The following NT5C2 variants were observed in gnomAD, a reference collection of about 807,000 sequenced individuals.
NT5C2 encodes cytosolic purine 5'-nucleotidase.
In NT5C2, 58 loss-of-function variants were observed where a neutral mutation model predicts 76.1. The ratio of observed to expected loss-of-function variants is 0.76; its 90% CI spans 0.62 to 0.95. The LOEUF is 0.95. NT5C2 is among the 40% of genes least tolerant of loss of function. The probability of loss-of-function intolerance (pLI) is 0.00; values close to 1 mark genes in which losing one functional copy is unlikely to be tolerated. For missense variants in NT5C2, 478 were observed against 690.3 expected (o/e 0.69, Z 3.45); for synonymous variants, 229 against 237.4 (o/e 0.96, Z 0.32).
rs1395210441 is a variant in NT5C2, at chr10:103,178,124, C to A, written c.-25+3061G>T. 2.6e-5 allele frequency among the ~76,000 whole-genome samples: 4 copies of A among 152,190 alleles called. No individual in the cohort carries two copies. The East Asian group carries it at 7.7e-4, about 29-fold the overall frequency. On this transcript the variant is annotated intron_variant, in intron 2 of 18. Transcript: ENST00000404739. ...TATCACATTTCATTCTTTCTAATGA[C>A]TGAATAATAATCCACTGTGCAGGCG...
intron 2 of NT5C2, among the ~76,000 whole-genome samples, chr10:103,178,691 A>T (rs1330283073): frequency 6.6e-6 from 1 of 151,712 alleles, no homozygotes; most frequent in East Asian, 2.0e-4. Flanking sequence ...TTAGCTGGGC[A>T]TGGTGGCACG....
chr10:103,118,563 AG>A (rs1415718251), intron 4 of NT5C2, among the ~76,000 whole-genome samples: 1 of 152,072 alleles, frequency 6.6e-6, no homozygotes, highest in Admixed American at 6.6e-5. Context: ...TATGTTGCTC[AG>A]GCTGGTCCTG....
At chr10:103,105,333 T>C (rs1323972433) in intron 6 of NT5C2, 3 of 785,102 alleles carry the variant, frequency 3.8e-6, no homozygotes, top group Admixed American at 4.5e-5. Context: ...TTTAAAATTT[T>C]TTCAAAGCAT....
chr10:103,093,536 C>G (rs80161885), intron 14 of NT5C2, among the ~76,000 whole-genome samples: 1 of 152,290 alleles, frequency 6.6e-6, no homozygotes, highest in East Asian at 1.9e-4. Flanking sequence ...AGCAACAAAA[C>G]TACATCCTCA....
chr10:103,102,731 C>G (rs968793854), intron 6 of NT5C2, among the ~76,000 whole-genome samples: 1 of 151,546 alleles, frequency 6.6e-6, no homozygotes, highest in Non-Finnish European at 1.5e-5. Flanking sequence ...GTGGTTGGTA[C>G]GATGAACAGA....
chr10:103,177,254 A>G (rs1429810712), intron 2 of NT5C2, among the ~76,000 whole-genome samples: 2 of 152,232 alleles, frequency 1.3e-5, no homozygotes, highest in African/African-American at 2.4e-5. Context: ...AAAACATTCC[A>G]TCTAATTAGG....
At chr10:103,164,099 G>A (rs772802056) in intron 3 of NT5C2, among the ~76,000 whole-genome samples, 2 of 152,014 alleles carry the variant, frequency 1.3e-5, no homozygotes, top group African/African-American at 4.8e-5. Context: ...TAAAAAAATA[G>A]CTAGGTGTGG....
chr10:103,143,278 C>A (rs2080865786), intron 3 of NT5C2, among the ~76,000 whole-genome samples: 1 of 152,038 alleles, frequency 6.6e-6, no homozygotes, highest in South Asian at 2.1e-4. Context: ...GGGCTGGGCT[C>A]CCCCATCAGT....
chr10:103,190,568 A>G (rs758884266), intron 1 of NT5C2, among the ~76,000 whole-genome samples: 13 of 152,144 alleles, frequency 8.5e-5, no homozygotes, highest in Non-Finnish European at 1.5e-4. Context: ...AATTTGTTCT[A>G]TTTTTCCCTT....
chr10:103,177,342 T>C (rs1245667952), intron 2 of NT5C2, among the ~76,000 whole-genome samples: 1 of 152,218 alleles, frequency 6.6e-6, no homozygotes, highest in Admixed American at 6.6e-5. Context: ...GTTTCACTTC[T>C]GTTTTTGAAG....
rs1590566706 is a variant in NT5C2 at position 103,089,840 on chromosome 10, G to A, written c.1518C>T (p.Thr506=). The A allele has an allele frequency of 6.2e-7, 1 of 1,614,058 alleles. No individual in the cohort carries two copies. The highest frequency in any genetic ancestry group is 8.5e-7 in the Non-Finnish European group (1 of 1,180,004). ...DINEMESPLA[T]RNRTSVDFKD... is the part of the protein sequence containing the mutation. ...TGAAATCCACTGATGTGCGGTTCCG[G>A]GTGGCAAGAGGAGACTCCATCTCAT... is the stretch of plus-strand genomic sequence containing the variant. Residue 506 remains threonine, a synonymous_variant, in exon 19 of 19, where the codon ACC becomes ACT. Transcript: ENST00000404739.
chr10:103,097,254 T>C, intron 11 of NT5C2, 37 bp downstream of exon 11: 1 of 1,451,116 alleles, frequency 6.9e-7, no homozygotes, highest in Non-Finnish European at 9.6e-7. Context: ...CCAAAATAAT[T>C]CCACTGCATA....
intron 3 of NT5C2, among the ~76,000 whole-genome samples, chr10:103,156,541 G>T (rs879768052): frequency 4.7e-5 from 7 of 150,282 alleles, no homozygotes; most frequent in Non-Finnish European, 8.9e-5. Flanking sequence ...GATCACCTGA[G>T]GTCAGGAGTT....
chr10:103,146,297 T>C (rs1252147197), intron 3 of NT5C2: 2 of 985,332 alleles, frequency 2.0e-6, no homozygotes, highest in South Asian at 4.7e-5. Flanking sequence ...TCTTTGGCAA[T>C]GGTGAACTTT....
intron 4 of NT5C2, among the ~76,000 whole-genome samples, chr10:103,136,810 G>C (rs1268805833): frequency 6.6e-6 from 1 of 152,010 alleles, no homozygotes; most frequent in African/African-American, 2.4e-5. Flanking sequence ...TTTTTTAGTA[G>C]AGATGGGGTT....
intron 1 of NT5C2, among the ~76,000 whole-genome samples, chr10:103,184,077 C>G (rs2091692065): frequency 6.6e-6 from 1 of 151,952 alleles, no homozygotes; most frequent in African/African-American, 2.4e-5. Flanking sequence ...GTCAGCCTCC[C>G]AAGTAGCTGG....
chr10:103,150,717 T>C (rs2082252427), intron 3 of NT5C2, among the ~76,000 whole-genome samples: 1 of 152,206 alleles, frequency 6.6e-6, no homozygotes, highest in Admixed American at 6.5e-5. Context: ...TAGTTTTAAT[T>C]TGTATTTCCC....
At chr10:103,124,312 A>G (rs2135793909) in intron 4 of NT5C2, among the ~76,000 whole-genome samples, 1 of 152,148 alleles carries the variant, frequency 6.6e-6, no homozygotes, top group East Asian at 1.9e-4. Context: ...TTGCCAAAAT[A>G]CCCTGTCATT....
At chr10:103,105,010 A>G (rs1041495523) in intron 6 of NT5C2, among the ~76,000 whole-genome samples, 1 of 152,224 alleles carries the variant, frequency 6.6e-6, no homozygotes, top group African/African-American at 2.4e-5. Context: ...CTATAGCTAC[A>G]GAAGTTGTCA....
Sources: allele counts gnomAD v4.1 joint callset (sites outside exome capture counted in the v4.1 genomes callset), GRCh38; gene constraint gnomAD v4.1.1; transcripts MANE v1.5; gene names NCBI Gene and HGNC (gene_info 2026-07-23, HGNC 2026-07-21).